SGCZ: variants seen among roughly 807,000 people sequenced by gnomAD.
The protein encoded by SGCZ is sarcoglycan zeta, also known as zeta-sarcoglycan.
Under a neutral mutation model 41.3 loss-of-function variants are expected in SGCZ, and 40 were observed. The ratio of observed to expected loss-of-function variants is 0.97; its 90% CI spans 0.75 to 1.26. The LOEUF (loss-of-function observed/expected upper bound fraction) is 1.26. Ranked by LOEUF, SGCZ falls within the 50% of genes most tolerant of loss-of-function variation. The pLI, the probability that SGCZ is intolerant of heterozygous loss-of-function variation, is 0.00. For synonymous variants in SGCZ, 206 were observed against 137.5 expected, an observed-to-expected ratio of 1.50 and a Z score of -3.49; for missense variants, 552 against 369.8, an observed-to-expected ratio of 1.49 and a Z score of -4.04.
chr8:15,212,121 A>C (rs1021803028), intron 1 of SGCZ, among the ~76,000 whole-genome samples: 4 of 152,174 alleles, frequency 2.6e-5, no homozygotes, highest in African/African-American at 9.6e-5. Flanking sequence ...TCAAGAAACG[A>C]CTGCATGGAT....
chr8:14,192,166 T>C lies in SGCZ; in HGVS notation c.425-27464A>G, dbSNP rs375858138. ...AAATATTTCTTCATAAACTTTCACA[T>C]GGGTAGTGCTTTACAGTAAAAACAG... On this transcript the variant is annotated intron_variant, in intron 4 of 7. Transcript: ENST00000382080. Among the ~76,000 whole-genome samples, 7 of 152,204 alleles carry C rather than the reference T, an allele frequency of 4.6e-5. No individual in the cohort carries two copies. In the South Asian group the frequency reaches 8.3e-4, roughly 18 times the overall value.
chr8:14,215,659 A>G (rs529838290), intron 4 of SGCZ, among the ~76,000 whole-genome samples: 4 of 152,290 alleles, frequency 2.6e-5, no homozygotes, highest in African/African-American at 9.6e-5. Context: ...GAAAGAGACC[A>G]TATCACTATA....
chr8:15,209,513 A>G (rs987786219), intron 1 of SGCZ, among the ~76,000 whole-genome samples: 3 of 141,934 alleles, frequency 2.1e-5, no homozygotes, highest in Non-Finnish European at 4.6e-5. Context: ...AGTGGCTTTC[A>G]GCTTGTGTTA....
At chr8:15,078,367 T>C (rs145692088) in intron 1 of SGCZ, among the ~76,000 whole-genome samples, 43 of 151,932 alleles carry the variant, frequency 2.8e-4, no homozygotes, top group African/African-American at 9.9e-4. Flanking sequence ...TCTCTCTCCA[T>C]ACCATACTCA....
chr8:14,394,384 C>T (rs1804904837), intron 2 of SGCZ, among the ~76,000 whole-genome samples: 2 of 151,984 alleles, frequency 1.3e-5, no homozygotes, highest in African/African-American at 4.8e-5. Flanking sequence ...CTCCTGACCT[C>T]GTGATCCACC....
chr8:14,213,620 C>CA lies in SGCZ; in HGVS notation c.424+23971dup, dbSNP rs1187846739. On this transcript the variant is annotated intron_variant, in intron 4 of 7. Coordinates refer to ENST00000382080, the MANE Select transcript of SGCZ (RefSeq NM_139167.4). Reference sequence around the variant, plus strand: ...AATTTCATAAAGGAAAATAAAACAACAAAAAACAAAAAAAAATGGTAAACG... The same window carrying CA: ...AATTTCATAAAGGAAAATAAAACAACAAAAAAACAAAAAAAAATGGTAAACG... 2.7e-5 allele frequency among the ~76,000 whole-genome samples: 4 copies of CA among 150,534 alleles called. No homozygotes were observed. In the East Asian group the frequency reaches 5.9e-4, roughly 22 times the overall value.
At chr8:14,337,243 G>A (rs891736114) in intron 2 of SGCZ, among the ~76,000 whole-genome samples, 3 of 152,076 alleles carry the variant, frequency 2.0e-5, no homozygotes, top group African/African-American at 7.2e-5. Context: ...TTATTCACCT[G>A]TTCTCCTGGC....
chr8:14,243,864 C>A (rs144954466), intron 3 of SGCZ, among the ~76,000 whole-genome samples: 44 of 152,272 alleles, frequency 2.9e-4, no homozygotes, highest in African/African-American at 9.9e-4. Flanking sequence ...TCGTTGTAGG[C>A]TTTTTGACTT....
intron 1 of SGCZ, among the ~76,000 whole-genome samples, chr8:14,828,732 G>A (rs1324111289): frequency 6.6e-6 from 1 of 152,148 alleles, no homozygotes; most frequent in Non-Finnish European, 1.5e-5. Flanking sequence ...GAGTGCCAAA[G>A]ACCAACAACA....
chr8:14,621,547 C>T (rs1193179490), intron 1 of SGCZ, among the ~76,000 whole-genome samples: 1 of 151,916 alleles, frequency 6.6e-6, no homozygotes, highest in East Asian at 1.9e-4. Context: ...TAATTGACTC[C>T]CAGTTCTGCA....
At chr8:14,091,510 T>G (rs369921318) in intron 7 of SGCZ, among the ~76,000 whole-genome samples, 4 of 152,210 alleles carry the variant, frequency 2.6e-5, no homozygotes, top group African/African-American at 7.2e-5. Flanking sequence ...TTTGAATGAC[T>G]GCCATTCTAA....
chr8:14,851,383 A>AAG (rs765852568), intron 1 of SGCZ, among the ~76,000 whole-genome samples: 1 of 143,236 alleles, frequency 7.0e-6, no homozygotes, highest in African/African-American at 2.6e-5. Context: ...AAAAAAAAAA[A>AAG]AAAAAAAGAA....
intron 1 of SGCZ, among the ~76,000 whole-genome samples, chr8:14,956,563 T>C (rs1186718102): frequency 6.6e-6 from 1 of 152,176 alleles, no homozygotes; most frequent in Non-Finnish European, 1.5e-5. Context: ...GCATACAATG[T>C]CTTATAAGAG....
At chr8:14,284,674 G>A (rs1423819763) in intron 3 of SGCZ, among the ~76,000 whole-genome samples, 2 of 151,988 alleles carry the variant, frequency 1.3e-5, no homozygotes, top group Non-Finnish European at 2.9e-5. Context: ...CCCATCTATA[G>A]ATTGATCCTG....
intron 1 of SGCZ, among the ~76,000 whole-genome samples, chr8:14,681,324 C>T (rs1471591828): frequency 5.9e-5 from 9 of 152,044 alleles, no homozygotes; most frequent in Non-Finnish European, 8.8e-5. Context: ...CAATGAAGTG[C>T]CATATCTAAT....
At chr8:14,092,446 G>C (rs990801988) in intron 7 of SGCZ, among the ~76,000 whole-genome samples, 1 of 151,898 alleles carries the variant, frequency 6.6e-6, no homozygotes, top group Non-Finnish European at 1.5e-5. Flanking sequence ...ACTCATAAAA[G>C]TGTGTGGACT....
chr8:14,920,672 A>C (rs749777102), intron 1 of SGCZ, among the ~76,000 whole-genome samples: 1 of 152,176 alleles, frequency 6.6e-6, no homozygotes, highest in Non-Finnish European at 1.5e-5. Flanking sequence ...GAACAAATGG[A>C]GATACGAGAG....
intron 1 of SGCZ, among the ~76,000 whole-genome samples, chr8:14,599,927 T>C (rs1463791754): frequency 2.0e-5 from 3 of 152,126 alleles, no homozygotes; most frequent in Admixed American, 1.3e-4. Context: ...TCATAGGAAA[T>C]AAAAATAAAA....
intron 2 of SGCZ, among the ~76,000 whole-genome samples, chr8:14,374,337 T>C (rs913432829): frequency 6.6e-6 from 1 of 152,150 alleles, no homozygotes; most frequent in Non-Finnish European, 1.5e-5. Flanking sequence ...AGAGAGACCC[T>C]GTCTCAAAAA....
Sources: allele counts gnomAD v4.1 joint callset (sites outside exome capture counted in the v4.1 genomes callset), GRCh38; gene constraint gnomAD v4.1.1; transcripts MANE v1.5; gene names NCBI Gene and HGNC (gene_info 2026-07-23, HGNC 2026-07-21).